Variants in ABLIM2 observed in about 807,000 individuals in gnomAD.
ABLIM2 encodes actin-binding LIM protein 2.
A neutral mutation model predicts 97.7 loss-of-function variants in ABLIM2; 53 were observed. The observed-to-expected ratio is 0.54, with a 90% CI of 0.44 to 0.68. The LOEUF (loss-of-function observed/expected upper bound fraction) is 0.68. Ranked by LOEUF, ABLIM2 falls within the 30% of genes least tolerant of loss-of-function variation. The pLI, the probability that ABLIM2 is intolerant of heterozygous loss-of-function variation, is 0.00. For missense variants in ABLIM2, 835 were observed against 867.2 expected (o/e 0.96, Z 0.47); for synonymous variants, 361 against 345.8 (o/e 1.04, Z -0.49).
chr4:8,142,238 G>A (rs1259475319), intron 1 of ABLIM2, among the ~76,000 whole-genome samples: 1 of 152,174 alleles, frequency 6.6e-6, no homozygotes, highest in Non-Finnish European at 1.5e-5. Flanking sequence ...GGGTCTCACA[G>A]TCTCTATGGC....
At chr4:8,045,076 T>A (rs1442535721) in intron 9 of ABLIM2, 88 bp downstream of exon 9, 18 of 1,196,110 alleles carry the variant, frequency 1.5e-5, no homozygotes, top group Non-Finnish European at 2.0e-5. Flanking sequence ...CGGAAAACTC[T>A]CTTAGGGGTG....
At position 8,148,276 on chromosome 4, in the gene ABLIM2, G is replaced by T. The variant is rs548536588; in HGVS notation, c.10+10404C>A. Among the ~76,000 whole-genome samples, 1 of 152,364 alleles carries T rather than the reference G, an allele frequency of 6.6e-6. No homozygotes were observed. Among genetic ancestry groups the T allele is most frequent in the East Asian group, 1.9e-4 (1 of 5,180 alleles). ...AGTGTGTCTGGAGGGGAGAGGATGA[G>T]CTGGTGGATGAGAGGGCTGCAGCTG... On this transcript the variant is annotated intron_variant, in intron 1 of 20. Transcript: ENST00000447017. The surrounding 1 kb of genome is among the most constrained non-coding windows in gnomAD (Gnocchi z 6.7).
At position 8,050,997 on chromosome 4, in the gene ABLIM2, G is replaced by A. The variant is rs1046012860; in HGVS notation, c.822+3191C>T. ...CCTTCCTCCTCTGCTGGCAGCATCC[G>A]GTGGTTAAGTGACCCCTGCCCGCTA... On this transcript the variant is annotated intron_variant, in intron 8 of 20. Coordinates refer to ENST00000447017, the MANE Select transcript of ABLIM2 (RefSeq NM_001130083.2). Among the ~76,000 whole-genome samples, 14 of 152,378 alleles carry A rather than the reference G, an allele frequency of 9.2e-5. No homozygotes were observed. In the East Asian group the frequency reaches 1.4e-3, roughly 15 times the overall value.
intron 1 of ABLIM2, among the ~76,000 whole-genome samples, chr4:8,117,765 C>T (rs576084192): frequency 6.6e-6 from 1 of 152,254 alleles, no homozygotes; most frequent in African/African-American, 2.4e-5. Flanking sequence ...TTTCCAGAAG[C>T]CAGCTCCGCT....
rs150020144 is a variant in ABLIM2 at position 8,127,056 on chromosome 4, T to G, written c.11-20419A>C. On this transcript the variant is annotated intron_variant, in intron 1 of 20. Transcript: ENST00000447017. This position sits in a 1 kb window ranked among gnomAD's most constrained non-coding sequence, Gnocchi z 7.3. ...ACTCCAGCCTGGGTGACAGAGTGAG[T>G]CCCTGCCTCCAGAAAAAAAAAAAAA... Among the ~76,000 whole-genome samples, 52 of 135,444 alleles carry G rather than the reference T, an allele frequency of 3.8e-4. No homozygotes were observed. The East Asian group carries it at 8.6e-3, about 22-fold the overall frequency. The allele number at this position is 135,444 out of a possible 152,430, so 88.9% of individuals were successfully genotyped here.
intron 14 of ABLIM2, among the ~76,000 whole-genome samples, chr4:8,016,645 A>G (rs1769467033): frequency 6.6e-6 from 1 of 152,172 alleles, no homozygotes; most frequent in South Asian, 2.1e-4. Context: ...CCAGGAAAGC[A>G]TGAGGCAGGA....
rs192361449 is a variant in ABLIM2, at chr4:7,985,976, G to A, written c.1681-1083C>T. Among the ~76,000 whole-genome samples the A allele has an allele frequency of 6.9e-3, 1,049 of 152,346 alleles. 13 individuals are homozygous for A. The highest frequency in any genetic ancestry group is 0.024 in the African/African-American group (1,000 of 41,586). The stretch of plus-strand genomic sequence containing the variant: ...CACTTCCTGCCCCTTGCTGGGGCCC[G>A]GGGTTCGCACTATGAGCCCTGAGCC... On this transcript the variant is annotated intron_variant, in intron 17 of 20. Coordinates refer to ENST00000447017, the MANE Select transcript of ABLIM2 (RefSeq NM_001130083.2).
At position 8,071,713 on chromosome 4, in the gene ABLIM2, T is replaced by G. The variant is rs1268102327; in HGVS notation, c.675+5915A>C. ...CAAAAACCCACCCACCCGCAGCCCC[T>G]CCTGGCCCCTGTGAGCCCCCATCAG... is the stretch of plus-strand genomic sequence containing the variant. On this transcript the variant is annotated intron_variant, in intron 6 of 20. Transcript: ENST00000447017. This position sits in a 1 kb window ranked among gnomAD's most constrained non-coding sequence, Gnocchi z 6.2. 8.2e-6 allele frequency: 3 copies of G among 364,668 alleles called. No homozygotes were observed. The highest frequency in any genetic ancestry group is 1.1e-5 in the Non-Finnish European group (3 of 279,566). The allele number at this position is 364,668 out of a possible 1,614,324, so 22.6% of individuals were successfully genotyped here.
chr4:8,009,086 A>C lies in ABLIM2; in HGVS notation c.1440T>G (p.Asp480Glu). ...CCTGGTCCAAGCTTCCATCCTCCCC[A>C]TCCGATCGCCTGGCAGCTGGAAGGG... ...IYRQHAARRSDGEDGSLDQDN... is the reference protein window; with the variant it reads ...IYRQHAARRSEGEDGSLDQDN... The change falls in exon 15 of 21, where the codon GAT becomes GAG. Residue 480 changes from aspartate to glutamate, a missense_variant. By Grantham distance (45) the Asp-to-Glu change is conservative. Transcript: ENST00000447017. The C allele has an allele frequency of 1.2e-6, 2 of 1,613,976 alleles. No individual in the cohort carries two copies. The highest frequency in any genetic ancestry group is 2.7e-5 in the African/African-American group (2 of 75,028).
In ABLIM2 at chr4:8,068,648, G is replaced by T. The variant is rs1473398858; in HGVS notation, c.676-7594C>A. Among the ~76,000 whole-genome samples the T allele has an allele frequency of 6.6e-6, 1 of 152,178 alleles. No individual in the cohort carries two copies. The highest frequency in any genetic ancestry group is 1.5e-5 in the Non-Finnish European group (1 of 68,034). Reference sequence around the variant, plus strand: ...CCAACCACGGAATCCGGGTGCAAAGGCCTCCTCTGCCCACTGGAGAGCTGC... The same window carrying T: ...CCAACCACGGAATCCGGGTGCAAAGTCCTCCTCTGCCCACTGGAGAGCTGC... On this transcript the variant is annotated intron_variant, in intron 6 of 20. Transcript: ENST00000447017. This position sits in a 1 kb window ranked among gnomAD's most constrained non-coding sequence, Gnocchi z 4.5.
chr4:7,966,861 A>ACCTCCCCCCCC lies in ABLIM2; in HGVS notation c.*128_*129insGGGGGGGGAGG. On this transcript the variant is annotated 3_prime_UTR_variant, in exon 21 of 21. Coordinates refer to ENST00000447017, the MANE Select transcript of ABLIM2 (RefSeq NM_001130083.2). ...GTGCAGGGGCCGCACCTGCTGGGGG[A>ACCTCCCCCCCC]CCCCCTCCCGCCCACCCCATGGACA... 4.4e-6 allele frequency: 1 copy of ACCTCCCCCCCC among 227,854 alleles called. No homozygotes were observed. The highest frequency in any genetic ancestry group is 8.8e-6 in the Non-Finnish European group (1 of 113,218). 14.1% of individuals were successfully genotyped at this position (227,854 alleles called of 1,614,324 possible).
intron 4 of ABLIM2, 135 bp downstream of exon 4, chr4:8,088,034 C>T (rs1824915273): frequency 5.9e-6 from 2 of 336,420 alleles, no homozygotes; most frequent in African/African-American, 2.5e-5. Context: ...TCAGCACCGC[C>T]CCCACTCAGC....
chr4:7,972,545 G>A (rs966904618), intron 20 of ABLIM2, among the ~76,000 whole-genome samples: 13 of 152,346 alleles, frequency 8.5e-5, no homozygotes, highest in Admixed American at 4.6e-4. Flanking sequence ...TCCTCACTGA[G>A]GGACAAGATG....
chr4:8,061,191 G>A lies in ABLIM2; in HGVS notation c.676-137C>T, dbSNP rs1034922930. ...TGGAAGGGCCAGCCCCCACCATCGG[G>A]ACCCAAGACCCCTGAGCAGAGCCCA... is the stretch of plus-strand genomic sequence containing the variant. On this transcript the variant is annotated intron_variant, in intron 6 of 20. Coordinates refer to ENST00000447017, the MANE Select transcript of ABLIM2 (RefSeq NM_001130083.2). The surrounding 1 kb of genome is among the most constrained non-coding windows in gnomAD (Gnocchi z 4.5). The A allele has an allele frequency of 6.8e-6, 5 of 735,996 alleles. No homozygotes were observed. In the African/African-American group the frequency reaches 7.1e-5, roughly 10 times the overall value. 45.6% of individuals were successfully genotyped at this position (735,996 alleles called of 1,614,324 possible). A position where few individuals can be genotyped will look rare whatever the true frequency, so the allele number is the denominator to read the frequency against.
In ABLIM2 at chr4:8,003,468, C is replaced by T. The variant is rs1032286142; in HGVS notation, c.1618+4591G>A. Among the ~76,000 whole-genome samples the T allele has an allele frequency of 2.6e-5, 4 of 152,232 alleles. No homozygotes were observed. Among genetic ancestry groups the T allele is most frequent in the East Asian group, 3.9e-4 (2 of 5,182 alleles). On this transcript the variant is annotated intron_variant, in intron 16 of 20. Transcript: ENST00000447017. The surrounding 1 kb of genome is among the most constrained non-coding windows in gnomAD (Gnocchi z 4.2). ...GCTTTCACGCCAGCGGAAAGTCACA[C>T]GGTCCCATGTCAGAAGTTGGGGACT...
chr4:7,994,013 T>C, intron 16 of ABLIM2: 1 of 480,274 alleles, frequency 2.1e-6, no homozygotes, highest in East Asian at 6.2e-5. Flanking sequence ...TGTGGTTGCA[T>C]TCTGGAAAGG....
At chr4:8,135,802 G>A (rs905835598) in intron 1 of ABLIM2, among the ~76,000 whole-genome samples, 13 of 152,208 alleles carry the variant, frequency 8.5e-5, no homozygotes, top group African/African-American at 3.1e-4. Flanking sequence ...GGCCTCTCAC[G>A]GCTGACCTGT....
rs923418419 is a variant in ABLIM2 at position 8,132,615 on chromosome 4, G to A, written c.11-25978C>T. ...CTGCTCACTGCCACCCTCCCTCACC[G>A]CCACTCCTGCTCCCCAGCAATGCTG... On this transcript the variant is annotated intron_variant, in intron 1 of 20. Coordinates refer to ENST00000447017, the MANE Select transcript of ABLIM2 (RefSeq NM_001130083.2). The surrounding 1 kb of genome is among the most constrained non-coding windows in gnomAD (Gnocchi z 8.0). 2.0e-5 allele frequency among the ~76,000 whole-genome samples: 3 copies of A among 152,074 alleles called. No homozygotes were observed. The highest frequency in any genetic ancestry group is 4.4e-5 in the Non-Finnish European group (3 of 68,008).
rs2152333687 is a variant in ABLIM2 at position 8,071,792 on chromosome 4, GC to G, written c.675+5835del. The stretch of plus-strand genomic sequence containing the variant: ...ACCTGCACAGCTTCTGGGCACCAGA[GC>G]CCAGTCTGACGGCCCTGCTTGAGTG... On this transcript the variant is annotated intron_variant, in intron 6 of 20. Coordinates refer to ENST00000447017, the MANE Select transcript of ABLIM2 (RefSeq NM_001130083.2). The surrounding 1 kb of genome is among the most constrained non-coding windows in gnomAD (Gnocchi z 6.2). 1 of 985,288 alleles carries G rather than the reference GC, an allele frequency of 1.0e-6. No individual in the cohort carries two copies. The highest frequency in any genetic ancestry group is 4.7e-5 in the South Asian group (1 of 21,278). 61.0% of individuals were successfully genotyped at this position (985,288 alleles called of 1,614,324 possible).
Sources: gnomAD v4.1 joint callset for allele counts (sites outside exome capture counted in the v4.1 genomes callset) on GRCh38, gnomAD v4.1.1 for gene constraint, Gnocchi (gnomAD v3.1) non-coding constraint, MANE v1.5 for transcripts, NCBI Gene and HGNC (gene_info 2026-07-23, HGNC 2026-07-21) for gene names.